KCNQ3: variants seen among roughly 807,000 people sequenced by gnomAD.
KCNQ3 encodes the protein potassium voltage-gated channel subfamily KQT member 3.
A neutral mutation model predicts 92.5 loss-of-function variants in KCNQ3; 30 were observed. The ratio of observed to expected loss-of-function variants is 0.32; its 90% CI spans 0.24 to 0.44. The LOEUF (loss-of-function observed/expected upper bound fraction) is 0.44. KCNQ3 is among the 20% of genes least tolerant of loss of function. The pLI, the probability that KCNQ3 is intolerant of heterozygous loss-of-function variation, is 1.00. For missense variants in KCNQ3, 913 were observed against 1,140.3 expected, an observed-to-expected ratio of 0.80 and a Z score of 2.87; for synonymous variants, 450 against 468.8, an observed-to-expected ratio of 0.96 and a Z score of 0.52.
chr8:132,175,346 C>T (rs1586800986), intron 5 of KCNQ3, 107 bp downstream of exon 5: 1 of 1,285,264 alleles, frequency 7.8e-7, no homozygotes, highest in East Asian at 2.3e-5. Context: ...TTACCTCTGA[C>T]TGCAGAATGC....
chr8:132,374,771 C>T (rs933329358), intron 1 of KCNQ3, among the ~76,000 whole-genome samples: 8 of 151,980 alleles, frequency 5.3e-5, no homozygotes, highest in Non-Finnish European at 1.2e-4. Context: ...ACTCAGAAAA[C>T]GTGGTATCTG....
At chr8:132,379,887 CTTT>C (rs199901844) in intron 1 of KCNQ3, among the ~76,000 whole-genome samples, 5 of 133,290 alleles carry the variant, frequency 3.8e-5, no homozygotes, top group Admixed American at 7.6e-5. Flanking sequence ...ATCTTGGCAT[CTTT>C]TTTTTTTTTT....
intron 1 of KCNQ3, among the ~76,000 whole-genome samples, chr8:132,387,673 A>G (rs1005102285): frequency 2.6e-5 from 4 of 152,180 alleles, no homozygotes; most frequent in African/African-American, 9.7e-5. Context: ...GTCCTCAGTA[A>G]ATAAAGACCT....
chr8:132,242,043 C>T (rs1815015359), intron 1 of KCNQ3, among the ~76,000 whole-genome samples: 1 of 152,144 alleles, frequency 6.6e-6, no homozygotes, highest in Non-Finnish European at 1.5e-5. Flanking sequence ...AACCACTTAA[C>T]AGCAACGAAA....
At chr8:132,133,828 C>T (rs1824967737) in intron 13 of KCNQ3, among the ~76,000 whole-genome samples, 1 of 152,190 alleles carries the variant, frequency 6.6e-6, no homozygotes, top group South Asian at 2.1e-4. Flanking sequence ...AAGAGCTGCT[C>T]TGTTAAGGGA....
At chr8:132,382,427 C>T (rs768987711) in intron 1 of KCNQ3, among the ~76,000 whole-genome samples, 9 of 152,148 alleles carry the variant, frequency 5.9e-5, no homozygotes, top group African/African-American at 1.7e-4. Context: ...TTCCCACTTC[C>T]GCATGAGTAA....
At chr8:132,174,096 C>T (rs1826469216) in intron 6 of KCNQ3, 143 bp downstream of exon 6, 3 of 704,026 alleles carry the variant, frequency 4.3e-6, no homozygotes, top group East Asian at 5.5e-5. Flanking sequence ...GGCAAAAAGG[C>T]AGGATCATCA....
chr8:132,141,412 A>G, intron 9 of KCNQ3, 81 bp from the exon 10 acceptor site: 1 of 1,220,424 alleles, frequency 8.2e-7, no homozygotes, highest in Admixed American at 1.8e-5. Context: ...AAAGACTCAC[A>G]CATTCTCCTC....
intron 1 of KCNQ3, among the ~76,000 whole-genome samples, chr8:132,198,226 C>T (rs974039748): frequency 3.9e-5 from 6 of 152,180 alleles, no homozygotes; most frequent in African/African-American, 1.4e-4. Context: ...GGAAGAGAAT[C>T]CTTCCTCAGT....
intron 8 of KCNQ3, among the ~76,000 whole-genome samples, chr8:132,168,776 T>C (rs1223326787): frequency 1.2e-5 from 1 of 81,154 alleles, no homozygotes; most frequent in East Asian, 3.2e-4. Context: ...TGTGTGTGTG[T>C]GTGTTTGCAG....
At chr8:132,474,712 G>A (rs989380854) in intron 1 of KCNQ3, among the ~76,000 whole-genome samples, 5 of 152,016 alleles carry the variant, frequency 3.3e-5, no homozygotes, top group Non-Finnish European at 5.9e-5. Context: ...GCTGTGGAGT[G>A]GTAAGGTTAC....
chr8:132,381,037 G>A (rs761931397), intron 1 of KCNQ3, among the ~76,000 whole-genome samples: 1 of 151,844 alleles, frequency 6.6e-6, no homozygotes, highest in Non-Finnish European at 1.5e-5. Flanking sequence ...GGGAAAATGG[G>A]CAGTCAGCGC....
At chr8:132,301,504 A>T (rs1586909089) in intron 1 of KCNQ3, among the ~76,000 whole-genome samples, 1 of 152,198 alleles carries the variant, frequency 6.6e-6, no homozygotes, top group African/African-American at 2.4e-5. Context: ...ATCGTAAATA[A>T]TAACAGGTCC....
At chr8:132,421,766 C>A (rs1395262352) in intron 1 of KCNQ3, among the ~76,000 whole-genome samples, 4 of 152,134 alleles carry the variant, frequency 2.6e-5, no homozygotes, top group Non-Finnish European at 4.4e-5. Flanking sequence ...CTAGATGAAC[C>A]CTCCACCTGG....
intron 1 of KCNQ3, among the ~76,000 whole-genome samples, chr8:132,325,183 G>A (rs1818007634): frequency 1.3e-5 from 2 of 152,174 alleles, no homozygotes; most frequent in Middle Eastern, 3.4e-3. Context: ...GGGAAAGACA[G>A]TTAGTCAGTC....
chr8:132,271,979 G>A (rs1172169519), intron 1 of KCNQ3, among the ~76,000 whole-genome samples: 1 of 152,160 alleles, frequency 6.6e-6, no homozygotes, highest in African/African-American at 2.4e-5. Context: ...TGACCTGACA[G>A]AGGGCTCAGT....
chr8:132,154,198 T>TG (rs1825729506), intron 9 of KCNQ3, among the ~76,000 whole-genome samples: 1 of 26,188 alleles, frequency 3.8e-5, no homozygotes, highest in South Asian at 5.4e-4. Context: ...TAAAAGTTTT[T>TG]TTTTTTTTTT....
At chr8:132,417,481 G>T (rs968645996) in intron 1 of KCNQ3, among the ~76,000 whole-genome samples, 1 of 152,208 alleles carries the variant, frequency 6.6e-6, no homozygotes, top group Non-Finnish European at 1.5e-5. Context: ...TCTCCCATGG[G>T]TGGAGAATAG....
intron 1 of KCNQ3, among the ~76,000 whole-genome samples, chr8:132,251,822 C>G (rs952197786): frequency 6.6e-6 from 1 of 152,172 alleles, no homozygotes; most frequent in Admixed American, 6.5e-5. Context: ...TAGTGACAAG[C>G]AAACATCCCT....
Sources: allele counts gnomAD v4.1 joint callset (sites outside exome capture counted in the v4.1 genomes callset), GRCh38; gene constraint gnomAD v4.1.1; transcripts MANE v1.5; gene names NCBI Gene and HGNC (gene_info 2026-07-23, HGNC 2026-07-21).